Variants in DKKL1 observed in about 807,000 individuals in gnomAD.
The protein encoded by DKKL1 is dickkopf like acrosomal protein 1.
DKKL1 carries 11 observed loss-of-function variants against 16.5 expected under a neutral mutation model. That is an observed-to-expected ratio of 0.67 (90% CI 0.42 to 1.10). DKKL1 has a LOEUF of 1.10. DKKL1 is among the 50% of genes least tolerant of loss of function. The probability of loss-of-function intolerance (pLI) is 0.00; values close to 1 mark genes in which losing one functional copy is unlikely to be tolerated. For missense variants in DKKL1, 320 were observed against 308.1 expected (o/e 1.04, Z -0.29); for synonymous variants, 119 against 133.2 (o/e 0.89, Z 0.73).
At chr19:49,368,179 A>G (rs1973333174) in intron 4 of DKKL1, among the ~76,000 whole-genome samples, 1 of 152,020 alleles carries the variant, frequency 6.6e-6, no homozygotes, top group African/African-American at 2.4e-5. Context: ...CGGGCATGGC[A>G]GCCTGCACCT....
intron 4 of DKKL1, chr19:49,369,110 TTG>T (rs1358017397): frequency 6.6e-6 from 1 of 152,248 alleles, no homozygotes; most frequent in Non-Finnish European, 1.5e-5. Flanking sequence ...TCTTTGTTCA[TTG>T]TGCTCTCCTG....
upstream of DKKL1, chr19:49,363,836 G>T: frequency 3.0e-6 from 3 of 1,005,720 alleles, no homozygotes; most frequent in Non-Finnish European, 4.5e-6. Flanking sequence ...GACAATAGGG[G>T]CGTGGCTACG....
intron 4 of DKKL1, 83 bp downstream of exon 4, chr19:49,365,968 C>A: frequency 7.4e-7 from 1 of 1,346,804 alleles, no homozygotes; most frequent in Non-Finnish European, 1.0e-6. Flanking sequence ...CACTCTGTCA[C>A]CCAGGCTGGA....
At chr19:49,362,785 G>GGCT (rs1973046998), upstream of DKKL1, among the ~76,000 whole-genome samples, 2 of 151,990 alleles carry the variant, frequency 1.3e-5, no homozygotes, top group Admixed American at 6.6e-5. Flanking sequence ...GAGGGGACGG[G>GGCT]GCTAGGCGCC....
At chr19:49,368,821 C>T (rs1406761067) in intron 4 of DKKL1, 1 of 152,076 alleles carries the variant, frequency 6.6e-6, no homozygotes, top group African/African-American at 2.4e-5. Context: ...CTTCTGTGTC[C>T]TTGTACGTTA....
intron 4 of DKKL1, among the ~76,000 whole-genome samples, chr19:49,368,100 C>T (rs562621746): frequency 9.2e-5 from 14 of 152,128 alleles, no homozygotes; most frequent in Non-Finnish European, 1.6e-4. Context: ...ATTGCCTGAG[C>T]TCAGGAGTTC....
At chr19:49,374,651 G>A in intron 4 of DKKL1, 66 bp from the exon 5 acceptor site, 3 of 1,471,250 alleles carry the variant, frequency 2.0e-6, no homozygotes, top group African/African-American at 1.4e-5. Flanking sequence ...GAATAGGTCA[G>A]TGGGGACTGA....
At chr19:49,361,190 AGAGGCCCAGAGAGGGAG>A (rs1972881618), upstream of DKKL1, among the ~76,000 whole-genome samples, 6 of 136,798 alleles carry the variant, frequency 4.4e-5, no homozygotes, top group Admixed American at 7.1e-5. Flanking sequence ...AGAGGGGTCC[AGAGGCCCAGAGAGGGAG>A]ACAGAGACCC....
In DKKL1 at chr19:49,374,817, A is replaced by G; in HGVS notation, c.518A>G (p.Lys173Arg). Residue 173 changes from lysine to arginine, a missense_variant, in exon 5 of 5, where the codon AAG becomes AGG. Coordinates refer to ENST00000221498, the MANE Select transcript of DKKL1 (RefSeq NM_014419.4). ...LHPRVAFWIIKLPRRRSHQDA... is the reference protein window; with the variant it reads ...LHPRVAFWIIRLPRRRSHQDA... Reference sequence around the variant, plus strand: ...CCCCGGGTGGCCTTCTGGATCATTAAGCTGCCACGGCGGAGGTCCCACCAG... The same window carrying G: ...CCCCGGGTGGCCTTCTGGATCATTAGGCTGCCACGGCGGAGGTCCCACCAG... 1 of 1,613,522 alleles carries G rather than the reference A, an allele frequency of 6.2e-7. No individual in the cohort carries two copies. The highest frequency in any genetic ancestry group is 8.5e-7 in the Non-Finnish European group (1 of 1,179,710).
intron 4 of DKKL1, among the ~76,000 whole-genome samples, chr19:49,367,722 A>C (rs2033761939): frequency 6.6e-6 from 1 of 152,158 alleles, no homozygotes; most frequent in African/African-American, 2.4e-5. Flanking sequence ...CCTTTGGTAA[A>C]CTTCTACAAG....
chr19:49,366,691 GTTT>G (rs889650400), intron 4 of DKKL1, among the ~76,000 whole-genome samples: 1 of 141,860 alleles, frequency 7.0e-6, no homozygotes, highest in African/African-American at 2.8e-5. Context: ...GATTTTTGGG[GTTT>G]TTTTTGTTTG....
At chr19:49,360,919 A>AGGGGACAGAGACCCAGTGAAGGG (rs1199597051), upstream of DKKL1, among the ~76,000 whole-genome samples, 1 of 87,564 alleles carries the variant, frequency 1.1e-5, no homozygotes, top group African/African-American at 4.9e-5. Flanking sequence ...CAGAGAGAGA[A>AGGGGACAGAGACCCAGTGAAGGG]GGGGACAGAG....
In DKKL1 at chr19:49,374,780, A is replaced by G; in HGVS notation, c.481A>G (p.Thr161Ala). 1.2e-6 allele frequency: 2 copies of G among 1,607,866 alleles called. No homozygotes were observed. Among genetic ancestry groups the G allele is most frequent in the South Asian group, 1.1e-5 (1 of 90,144 alleles). The change falls in exon 5 of 5, where the codon ACA becomes GCA. Residue 161 changes from threonine to alanine, a missense_variant. By Grantham distance (58) the Thr-to-Ala change is moderately conservative. Coordinates refer to ENST00000221498, the MANE Select transcript of DKKL1 (RefSeq NM_014419.4). ...PIQKATDSFH[T>A]ELHPRVAFWI... Reference sequence around the variant, plus strand: ...CCAGAAGGCCACGGACAGCTTCCACACAGAACTCCATCCCCGGGTGGCCTT... The same window carrying G: ...CCAGAAGGCCACGGACAGCTTCCACGCAGAACTCCATCCCCGGGTGGCCTT...
intron 4 of DKKL1, among the ~76,000 whole-genome samples, chr19:49,372,965 C>T (rs1178392927): frequency 3.3e-5 from 5 of 151,688 alleles, no homozygotes; most frequent in Non-Finnish European, 2.9e-5. Context: ...AGCACCATTG[C>T]ACTACAGCCT....
intron 4 of DKKL1, among the ~76,000 whole-genome samples, chr19:49,366,435 C>CTT (rs5828393): frequency 0.034 from 5,154 of 149,416 alleles, 277 homozygotes; most frequent in African/African-American, 0.12. Context: ...AAGTGGTTTT[C>CTT]TTTTTTTTTT....
chr19:49,373,837 G>A (rs1324554011), intron 4 of DKKL1, among the ~76,000 whole-genome samples: 3 of 152,096 alleles, frequency 2.0e-5, no homozygotes, highest in East Asian at 3.9e-4. Context: ...CTAAAAGGCA[G>A]ACTGATTCAG....
chr19:49,360,618 G>A (rs1568584366), upstream of DKKL1, among the ~76,000 whole-genome samples: 1 of 152,084 alleles, frequency 6.6e-6, no homozygotes, highest in South Asian at 2.1e-4. Context: ...GGTGGGGAAG[G>A]AAGGTGTGGG....
intron 4 of DKKL1, among the ~76,000 whole-genome samples, chr19:49,373,409 T>TCA (rs1213379615): frequency 2.6e-5 from 4 of 152,184 alleles, no homozygotes; most frequent in Non-Finnish European, 5.9e-5. Context: ...TAAGGCCACA[T>TCA]TCTGAGGTAT....
intron 2 of DKKL1, among the ~76,000 whole-genome samples, chr19:49,365,227 A>AG (rs72415295): frequency 0.26 from 39,137 of 151,698 alleles, 5,251 homozygotes; most frequent in African/African-American, 0.31. Context: ...GCAAAGAGAG[A>AG]GGAGATGGGA....
Sources: gnomAD v4.1 joint callset for allele counts (sites outside exome capture counted in the v4.1 genomes callset) on GRCh38, gnomAD v4.1.1 for gene constraint, MANE v1.5 for transcripts, NCBI Gene and HGNC (gene_info 2026-07-23, HGNC 2026-07-21) for gene names.